The following RIC1 variants were observed in gnomAD, a reference collection of about 807,000 sequenced individuals.
RIC1 encodes the protein RIC1 partner of RAB6A GEF complex.
RIC1 carries 88 observed loss-of-function variants against 169.0 expected under a neutral mutation model. That is an observed-to-expected ratio of 0.52 (90% CI 0.44 to 0.62). The LOEUF (loss-of-function observed/expected upper bound fraction) is 0.62, where lower values mean the gene tolerates loss of function less well. Among genes scored for constraint, RIC1 ranks in the 20% least tolerant of loss-of-function variants. The pLI is 0.00. For synonymous variants in RIC1, 790 were observed against 601.5 expected (o/e 1.31, Z -4.59); for missense variants, 1,877 against 1,725.5 (o/e 1.09, Z -1.56).
chr9:5,641,352 A>C (rs977969779), intron 1 of RIC1, among the ~76,000 whole-genome samples: 1 of 151,986 alleles, frequency 6.6e-6, no homozygotes, highest in Non-Finnish European at 1.5e-5. Context: ...CGGCCTCCCA[A>C]AGTGCTGGGA....
At position 5,754,826 on chromosome 9, in the gene RIC1, A is replaced by C. The variant is rs1443511352; in HGVS notation, c.1603-15A>C. ...GTAGCATAAGGTAAATTTTTTAAAA[A>C]ATTTTTATTTTAAGGAGCAAAATAT... is the stretch of plus-strand genomic sequence containing the variant. On this transcript the variant is annotated splice_polypyrimidine_tract_variant and intron_variant, in intron 14 of 25. Transcript: ENST00000414202. The C allele has an allele frequency of 6.6e-7, 1 of 1,518,644 alleles. No individual in the cohort carries two copies. Among genetic ancestry groups the C allele is most frequent in the African/African-American group, 1.4e-5 (1 of 72,896 alleles). The allele number at this position is 1,518,644 out of a possible 1,614,324, so 94.1% of individuals were successfully genotyped here. A position where few individuals can be genotyped will look rare whatever the true frequency, so the allele number is the denominator to read the frequency against.
At chr9:5,751,470 G>C (rs7038735) in intron 12 of RIC1, among the ~76,000 whole-genome samples, 13,692 of 151,540 alleles carry the variant, frequency 0.09, 879 homozygotes, top group South Asian at 0.22. Context: ...ATTCTCCTGC[G>C]TCAGCTTCCC....
intron 7 of RIC1, among the ~76,000 whole-genome samples, chr9:5,737,567 A>G (rs1231908909): frequency 6.8e-6 from 1 of 146,544 alleles, no homozygotes; most frequent in Non-Finnish European, 1.5e-5. Flanking sequence ...TCAAATATGT[A>G]TGTTTATATT....
chr9:5,642,484 C>G (rs898901438), intron 1 of RIC1, among the ~76,000 whole-genome samples: 1 of 145,226 alleles, frequency 6.9e-6, no homozygotes, highest in African/African-American at 2.8e-5. Context: ...TTCAGAGTGT[C>G]TCATTCCCCA....
chr9:5,694,912 G>T (rs574019534), intron 3 of RIC1, among the ~76,000 whole-genome samples: 11 of 150,686 alleles, frequency 7.3e-5, no homozygotes, highest in South Asian at 4.2e-4. Flanking sequence ...ATTGAATTTT[G>T]TCCAGCTCTA....
intron 3 of RIC1, among the ~76,000 whole-genome samples, chr9:5,691,296 G>C (rs1217463488): frequency 1.3e-5 from 2 of 151,908 alleles, no homozygotes; most frequent in Non-Finnish European, 2.9e-5. Context: ...GAGCAATACA[G>C]TACAAATATT....
At chr9:5,746,140 C>T (rs1395896679) in intron 11 of RIC1, 57 bp downstream of exon 11, 12 of 1,397,522 alleles carry the variant, frequency 8.6e-6, no homozygotes, top group Non-Finnish European at 1.2e-5. Context: ...AGCTCAGACC[C>T]TTCTTTATGA....
chr9:5,774,751 T>C lies in RIC1; in HGVS notation c.*505T>C, dbSNP rs932131179. On this transcript the variant is annotated 3_prime_UTR_variant, in exon 26 of 26. Coordinates refer to ENST00000414202, the MANE Select transcript of RIC1 (RefSeq NM_020829.4). ...AATAGATTGCTACCCTGGGGCACAA[T>C]ATGTGCCAGTGTGATGGAAACATTC... 1.3e-5 allele frequency: 2 copies of C among 152,622 alleles called. No individual in the cohort carries two copies. Among genetic ancestry groups the C allele is most frequent in the African/African-American group, 4.8e-5 (2 of 41,458 alleles). 9.5% of individuals were successfully genotyped at this position (152,622 alleles called of 1,614,324 possible). A position where few individuals can be genotyped will look rare whatever the true frequency, so the allele number is the denominator to read the frequency against.
At chr9:5,710,137 A>G (rs1822848738) in intron 3 of RIC1, among the ~76,000 whole-genome samples, 1 of 152,208 alleles carries the variant, frequency 6.6e-6, no homozygotes, top group African/African-American at 2.4e-5. Flanking sequence ...CCTACAGGAT[A>G]CTGATAAAAA....
intron 6 of RIC1, among the ~76,000 whole-genome samples, chr9:5,725,386 G>T (rs994124521): frequency 2.0e-5 from 3 of 152,158 alleles, no homozygotes; most frequent in African/African-American, 7.2e-5. Context: ...TTGTATTTCT[G>T]TGGGATCGGT....
rs773764228 is a variant in RIC1, at chr9:5,772,863, T to G, written c.3795-29T>G. 7.5e-6 allele frequency: 12 copies of G among 1,594,446 alleles called. 1 individual carries two copies. The Middle Eastern group carries it at 5.0e-4, about 66-fold the overall frequency. On this transcript the variant is annotated intron_variant, in intron 24 of 25. Transcript: ENST00000414202. ...TACATCTTATAGATCTTTCTTAGCA[T>G]AAATCATTTTGTTTCTGCTTATATT...
At chr9:5,698,069 T>TCC (rs1273142942) in intron 3 of RIC1, among the ~76,000 whole-genome samples, 1 of 152,156 alleles carries the variant, frequency 6.6e-6, no homozygotes, top group Non-Finnish European at 1.5e-5. Context: ...AAGTTTCTGT[T>TCC]CCCCCACACC....
At position 5,629,511 on chromosome 9, in the gene RIC1, C is replaced by G. The variant is rs1390240237; in HGVS notation, c.144+58C>G. On this transcript the variant is annotated intron_variant, in intron 1 of 25. Coordinates refer to ENST00000414202, the MANE Select transcript of RIC1 (RefSeq NM_020829.4). ...GCCTCCCCGGCCTCCCGGCGCCGTC[C>G]CACCCCCAACTTCCACCCAGAGCCT... The G allele has an allele frequency of 3.6e-5, 53 of 1,486,862 alleles. No individual in the cohort carries two copies. In the East Asian group the frequency reaches 1.1e-3, roughly 32 times the overall value. The allele number at this position is 1,486,862 out of a possible 1,614,324, so 92.1% of individuals were successfully genotyped here. A position where few individuals can be genotyped will look rare whatever the true frequency, so the allele number is the denominator to read the frequency against.
intron 4 of RIC1, among the ~76,000 whole-genome samples, chr9:5,715,154 C>CTTCATCACTTCACATTTCAGTG (rs1221780539): frequency 3.3e-5 from 5 of 152,154 alleles, no homozygotes. Context: ...GCCTTGGTCA[C>CTTCATCACTTCACATTTCAGTG]AAGGTTATTC....
At chr9:5,657,547 A>G (rs1014981528) in intron 2 of RIC1, among the ~76,000 whole-genome samples, 1 of 152,154 alleles carries the variant, frequency 6.6e-6, no homozygotes, top group African/African-American at 2.4e-5. Context: ...ATCCAAGGTT[A>G]CATGCGTAGT....
In RIC1 at chr9:5,741,030, T is replaced by C. The variant is rs1045125042; in HGVS notation, c.902-1839T>C. ...TGGAATTTCTTTTAATGAAGTTTTT[T>C]GAAGGTAAACTCTACTTTGGGAGAG... On this transcript the variant is annotated intron_variant, in intron 8 of 25. Transcript: ENST00000414202. 1.3e-4 allele frequency among the ~76,000 whole-genome samples: 20 copies of C among 152,202 alleles called. 1 individual carries two copies. Among genetic ancestry groups the C allele is most frequent in the Admixed American group, 5.2e-4 (8 of 15,278 alleles).
intron 2 of RIC1, among the ~76,000 whole-genome samples, chr9:5,684,946 G>C (rs1821119900): frequency 6.6e-6 from 1 of 151,634 alleles, no homozygotes; most frequent in South Asian, 2.1e-4. Context: ...TTTTTAGTTT[G>C]TTAATAAGGT....
At chr9:5,704,318 C>G (rs1322776258) in intron 3 of RIC1, among the ~76,000 whole-genome samples, 1 of 151,888 alleles carries the variant, frequency 6.6e-6, no homozygotes, top group Non-Finnish European at 1.5e-5. Flanking sequence ...TCAAGCAATC[C>G]TCTCACCTCA....
At position 5,762,648 on chromosome 9, in the gene RIC1, C is replaced by G. The variant is rs1407139848; in HGVS notation, c.2100C>G (p.Asn700Lys). ...QIREKDSNPN[N>K]QRKLLPFCPP... ...GGGAGAAGGACAGTAACCCTAATAA[C>G]CAAAGGAAACTTGTGAGTAAAGTAC... The change falls in exon 18 of 26, where the codon AAC (asparagine) becomes AAG (lysine). Residue 700 changes from asparagine (N) to lysine (K), a missense_variant. This residue lies in a region of RIC1 where 1,104 missense variants were observed against 992.0 expected (regional missense o/e 1.11). Coordinates refer to ENST00000414202, the MANE Select transcript of RIC1 (RefSeq NM_020829.4). The G allele has an allele frequency of 4.3e-6, 7 of 1,613,336 alleles. No homozygotes were observed. Among genetic ancestry groups the G allele is most frequent in the South Asian group, 1.1e-5 (1 of 91,020 alleles).
Sources: gnomAD v4.1 joint callset for allele counts (sites outside exome capture counted in the v4.1 genomes callset) on GRCh38, gnomAD v4.1.1 for gene constraint, gnomAD v4.1.1 regional missense constraint, MANE v1.5 for transcripts, NCBI Gene and HGNC (gene_info 2026-07-23, HGNC 2026-07-21) for gene names.